The following SNX29 variants were observed in gnomAD, a reference collection of about 807,000 sequenced individuals.
The protein encoded by SNX29 is sorting nexin 29.
A neutral mutation model predicts 102.1 loss-of-function variants in SNX29; 78 were observed. That is an observed-to-expected ratio of 0.76 (90% CI 0.64 to 0.92). The LOEUF (loss-of-function observed/expected upper bound fraction) is 0.92. SNX29 is among the 40% of genes least tolerant of loss of function. SNX29 has a pLI of 0.00. For synonymous variants in SNX29, 580 were observed against 414.5 expected, an observed-to-expected ratio of 1.40 and a Z score of -4.85; for missense variants, 1,280 against 1,061.7, an observed-to-expected ratio of 1.21 and a Z score of -2.86.
At chr16:12,135,219 C>T (rs1567238056) in intron 13 of SNX29, among the ~76,000 whole-genome samples, 1 of 152,260 alleles carries the variant, frequency 6.6e-6, no homozygotes, top group Non-Finnish European at 1.5e-5. Flanking sequence ...AACATCATCA[C>T]AGGCACACTG....
chr16:12,266,514 G>A (rs1030445988), intron 14 of SNX29, among the ~76,000 whole-genome samples: 1 of 152,014 alleles, frequency 6.6e-6, no homozygotes, highest in Non-Finnish European at 1.5e-5. Flanking sequence ...CTGTCACTTA[G>A]GAGATTCCAA....
intron 19 of SNX29, among the ~76,000 whole-genome samples, chr16:12,509,147 C>G (rs11645508): frequency 0.12 from 18,661 of 152,162 alleles, 1,272 homozygotes; most frequent in Non-Finnish European, 0.16. Flanking sequence ...TAGAGGTAGT[C>G]CCACCTAATG....
chr16:12,557,922 G>A (rs1280360247), intron 20 of SNX29, among the ~76,000 whole-genome samples: 1 of 152,166 alleles, frequency 6.6e-6, no homozygotes, highest in African/African-American at 2.4e-5. Flanking sequence ...GTCAGGGCAG[G>A]CAGGCTGCTA....
At chr16:12,395,222 T>C (rs1264848303) in intron 16 of SNX29, among the ~76,000 whole-genome samples, 1 of 152,216 alleles carries the variant, frequency 6.6e-6, no homozygotes, top group African/African-American at 2.4e-5. Flanking sequence ...CCAGTCAAAG[T>C]GGCAGGGTGG....
At chr16:12,171,206 T>C (rs1344836157) in intron 13 of SNX29, among the ~76,000 whole-genome samples, 1 of 152,082 alleles carries the variant, frequency 6.6e-6, no homozygotes, top group African/African-American at 2.4e-5. Flanking sequence ...CTGCTGCTAA[T>C]TGGAGGTTTT....
At chr16:12,173,939 T>G (rs2076205094) in intron 13 of SNX29, among the ~76,000 whole-genome samples, 1 of 152,168 alleles carries the variant, frequency 6.6e-6, no homozygotes, top group African/African-American at 2.4e-5. Context: ...CCCACCATGC[T>G]GGGCTAATTT....
At chr16:12,563,105 A>G (rs1483906146) in intron 20 of SNX29, among the ~76,000 whole-genome samples, 1 of 95,322 alleles carries the variant, frequency 1.0e-5, no homozygotes, top group Non-Finnish European at 3.0e-5. Flanking sequence ...GACGCACGCT[A>G]ACAACAGAGC....
intron 11 of SNX29, among the ~76,000 whole-genome samples, chr16:12,111,015 G>A (rs368208884): frequency 1.2e-4 from 19 of 152,054 alleles, no homozygotes; most frequent in African/African-American, 4.6e-4. Flanking sequence ...AGGGTCTGTA[G>A]TGAGCTATGT....
intron 19 of SNX29, among the ~76,000 whole-genome samples, chr16:12,480,673 C>T (rs1264259970): frequency 2.6e-5 from 4 of 152,182 alleles, no homozygotes; most frequent in Non-Finnish European, 4.4e-5. Flanking sequence ...TTCCCACCTC[C>T]TGCCTCCTCA....
At chr16:12,487,461 T>C (rs1025602497) in intron 19 of SNX29, among the ~76,000 whole-genome samples, 1 of 152,174 alleles carries the variant, frequency 6.6e-6, no homozygotes, top group African/African-American at 2.4e-5. Flanking sequence ...ATGAGGAAAC[T>C]GGGGCTGAGG....
intron 20 of SNX29, chr16:12,546,251 C>T (rs1023800360): frequency 1.4e-4 from 22 of 152,192 alleles, no homozygotes; most frequent in African/African-American, 5.3e-4. Context: ...CTCTTTTCGA[C>T]CCTTCGTACA....
intron 7 of SNX29, 56 bp downstream of exon 7, chr16:12,048,676 G>A (rs2050186287): frequency 6.2e-7 from 1 of 1,613,618 alleles, no homozygotes; most frequent in East Asian, 2.2e-5. Context: ...GTGGCGGATG[G>A]GGTGGACATA....
chr16:12,272,275 C>T (rs1232259377), intron 14 of SNX29, among the ~76,000 whole-genome samples: 4 of 152,114 alleles, frequency 2.6e-5, no homozygotes, highest in African/African-American at 4.8e-5. Context: ...AGGCCAGTGG[C>T]GTGATTGCTA....
chr16:12,300,804 C>T (rs1281936492), intron 15 of SNX29, among the ~76,000 whole-genome samples: 4 of 152,128 alleles, frequency 2.6e-5, no homozygotes, highest in Non-Finnish European at 4.4e-5. Flanking sequence ...GAGGCTGTTC[C>T]GCATGTTGCA....
chr16:12,359,994 T>C (rs1193627871), intron 16 of SNX29, among the ~76,000 whole-genome samples: 1 of 152,186 alleles, frequency 6.6e-6, no homozygotes, highest in Non-Finnish European at 1.5e-5. Flanking sequence ...TGGCTAATTT[T>C]TGTATTTTTA....
intron 20 of SNX29, among the ~76,000 whole-genome samples, chr16:12,547,759 G>A (rs992712669): frequency 3.9e-5 from 6 of 152,156 alleles, no homozygotes; most frequent in African/African-American, 1.4e-4. Context: ...CTGTGAAGCT[G>A]CAGCTGCTCA....
Position 12,376,341 on chromosome 16 carries a change from C to A in SNX29, c.1899+20062C>A, listed in dbSNP as rs192850672. On this transcript the variant is annotated intron_variant, in intron 16 of 20. Transcript: ENST00000566228. The stretch of plus-strand genomic sequence containing the variant: ...TATTTTATGGACGAAGTGAGTCTTA[C>A]AACCGTGTTTGCACTGTACTTTGGT... 1.6e-4 allele frequency among the ~76,000 whole-genome samples: 25 copies of A among 152,348 alleles called. 1 individual carries two copies. The highest frequency in any genetic ancestry group is 6.0e-4 in the African/African-American group (25 of 41,574).
chr16:12,539,961 G>T (rs754520374), intron 20 of SNX29, among the ~76,000 whole-genome samples: 3 of 152,192 alleles, frequency 2.0e-5, no homozygotes, highest in African/African-American at 4.8e-5. Flanking sequence ...TCGAACATGT[G>T]AGTTGCACAT....
At chr16:12,377,316 AAGTTGGCTGGGCC>A (rs2082912091) in intron 16 of SNX29, among the ~76,000 whole-genome samples, 1 of 152,176 alleles carries the variant, frequency 6.6e-6, no homozygotes, top group Non-Finnish European at 1.5e-5. Context: ...GTCCTTCGTG[AAGTTGGCTGGGCC>A]ACTGCTCTGT....
Sources: allele counts gnomAD v4.1 joint callset (sites outside exome capture counted in the v4.1 genomes callset), GRCh38; gene constraint gnomAD v4.1.1; transcripts MANE v1.5; gene names NCBI Gene and HGNC (gene_info 2026-07-23, HGNC 2026-07-21).